TMC7: variants seen among roughly 807,000 people sequenced by gnomAD.
The protein encoded by TMC7 is transmembrane channel-like protein 7.
TMC7 carries 54 observed loss-of-function variants against 82.9 expected under a neutral mutation model. The ratio of observed to expected loss-of-function variants is 0.65; its 90% CI spans 0.52 to 0.82. The LOEUF (loss-of-function observed/expected upper bound fraction) is 0.82. TMC7 is among the 40% of genes least tolerant of loss of function. The pLI is 0.00. For missense variants in TMC7, 820 were observed against 901.2 expected (o/e 0.91, Z 1.15); for synonymous variants, 350 against 337.9 (o/e 1.04, Z -0.39).
chr16:19,016,479 T>A lies in TMC7; in HGVS notation c.341T>A (p.Leu114His). The part of the protein sequence containing the change: ...RDIQETQMKY[L>H]SEWDQWKRYS... ...ATTCAAGAGACACAAATGAAGTATC[T>A]CTCCGAATGGGACCAGTGGAAGCGG... Residue 114 changes from leucine to histidine, a missense_variant, in exon 3 of 16, where the codon CTC (leucine) becomes CAC (histidine). Coordinates refer to ENST00000304381, the MANE Select transcript of TMC7 (RefSeq NM_024847.4). 1 of 1,614,120 alleles carries A rather than the reference T, an allele frequency of 6.2e-7. No individual in the cohort carries two copies. The highest frequency in any genetic ancestry group is 8.5e-7 in the Non-Finnish European group (1 of 1,180,022).
chr16:18,989,475 AC>A (rs1267581723), intron 1 of TMC7, among the ~76,000 whole-genome samples: 2 of 149,580 alleles, frequency 1.3e-5, no homozygotes, highest in African/African-American at 4.9e-5. Context: ...TCGGCCTCTG[AC>A]CTTTGTAACA....
chr16:19,047,192 A>G lies in TMC7; in HGVS notation c.1683A>G (p.Ser561=). The G allele has an allele frequency of 1.2e-6, 2 of 1,613,456 alleles. No individual in the cohort carries two copies. Among genetic ancestry groups the G allele is most frequent in the East Asian group, 2.2e-5 (1 of 44,828 alleles). ...TCTGCTGGATCGGAGCCTTTTTCTCACCCCTTCTCCCTGCAATTGCAACCC... is the reference window on the plus strand; with the variant it reads ...TCTGCTGGATCGGAGCCTTTTTCTCGCCCCTTCTCCCTGCAATTGCAACCC... ...QTICWIGAFF[S]PLLPAIATLK... The change falls in exon 12 of 16, where the codon TCA becomes TCG. Residue 561 remains serine, a synonymous_variant. Transcript: ENST00000304381.
At chr16:19,035,927 T>G in intron 7 of TMC7, 104 bp downstream of exon 7, 3 of 1,352,226 alleles carry the variant, frequency 2.2e-6, no homozygotes, top group Non-Finnish European at 3.0e-6. Flanking sequence ...GGGGACAGGT[T>G]GTCCCTGGTA....
Position 19,037,402 on chromosome 16 carries a change from A to G in TMC7, c.1006-472A>G, listed in dbSNP as rs1290080238. On this transcript the variant is annotated intron_variant, in intron 7 of 15. Transcript: ENST00000304381. ...ACTCTGTCTCAAAAAAAAAAAAAAA[A>G]AGAAAGAAAAAAAGTAGTTGGGCTA... 8.4e-4 allele frequency among the ~76,000 whole-genome samples: 54 copies of G among 64,566 alleles called. 1 individual carries two copies. In the South Asian group the frequency reaches 0.03, roughly 35 times the overall value. The allele number at this position is 64,566 out of a possible 152,430, so 42.4% of individuals were successfully genotyped here.
intron 1 of TMC7, among the ~76,000 whole-genome samples, chr16:19,004,173 T>C (rs920441195): frequency 6.6e-6 from 1 of 152,130 alleles, no homozygotes; most frequent in Non-Finnish European, 1.5e-5. Flanking sequence ...TGGATCCTAG[T>C]TATAAAAATA....
At position 19,009,399 on chromosome 16, in the gene TMC7, G is replaced by A; in HGVS notation, c.295G>A (p.Glu99Lys). 1 of 1,613,314 alleles carries A rather than the reference G, an allele frequency of 6.2e-7. No individual in the cohort carries two copies. Among genetic ancestry groups the A allele is most frequent in the Non-Finnish European group, 8.5e-7 (1 of 1,179,372 alleles). The change falls in exon 2 of 16, where the codon GAG (glutamate) becomes AAG (lysine). Residue 99 changes from glutamate to lysine, a missense_variant. Physicochemically the swap from Glu to Lys is moderately conservative, Grantham distance 56. Transcript: ENST00000304381. ...SLRNYALNIS[E>K]KRRLRDIQET... ...TCGAAATTATGCACTGAACATCTCT[G>A]AGAAGCGGAGACTAAGGTTTGTTCA...
chr16:19,032,611 CTGAAGAA>C (rs1960567696), intron 6 of TMC7, among the ~76,000 whole-genome samples: 1 of 150,688 alleles, frequency 6.6e-6, no homozygotes, highest in African/African-American at 2.4e-5. Flanking sequence ...GGAGGGGGCC[CTGAAGAA>C]TGAAGAAGGT....
At chr16:19,016,427 T>C (rs1055143515) in intron 2 of TMC7, 23 bp from the exon 3 acceptor site, 1 of 1,613,558 alleles carries the variant, frequency 6.2e-7, no homozygotes, top group African/African-American at 1.3e-5. Context: ...GTTGTCATTG[T>C]CATGATCATG....
At chr16:18,996,651 G>A (rs374573662) in intron 1 of TMC7, among the ~76,000 whole-genome samples, 1 of 152,248 alleles carries the variant, frequency 6.6e-6, no homozygotes, top group African/African-American at 2.4e-5. Flanking sequence ...AATGGAGGGC[G>A]GAAGGTTGCC....
intron 7 of TMC7, 23 bp from the exon 8 acceptor site, chr16:19,037,851 A>G (rs112677582): frequency 1.9e-5 from 31 of 1,606,152 alleles, no homozygotes; most frequent in African/African-American, 1.7e-4. Flanking sequence ...ACTGCTCACA[A>G]GTGAATTTTC....
intron 1 of TMC7, among the ~76,000 whole-genome samples, chr16:19,002,477 T>TTTTA (rs1424384213): frequency 2.0e-5 from 3 of 152,016 alleles, no homozygotes; most frequent in African/African-American, 7.2e-5. Context: ...CCTCAGGTAA[T>TTTTA]CCACCCGCCT....
intron 6 of TMC7, among the ~76,000 whole-genome samples, chr16:19,034,575 G>T (rs749724793): frequency 1.3e-5 from 2 of 151,884 alleles, no homozygotes; most frequent in Non-Finnish European, 2.9e-5. Context: ...TCCAGCCTGG[G>T]CAACAGAGTG....
At chr16:19,037,427 A>T (rs1398995794) in intron 7 of TMC7, among the ~76,000 whole-genome samples, 1 of 149,364 alleles carries the variant, frequency 6.7e-6, no homozygotes, top group African/African-American at 2.4e-5. Flanking sequence ...TAGTTGGGCT[A>T]AGTCTAGGAT....
At chr16:19,031,648 GC>G (rs1472728081) in intron 6 of TMC7, among the ~76,000 whole-genome samples, 4 of 152,140 alleles carry the variant, frequency 2.6e-5, no homozygotes, top group African/African-American at 4.8e-5. Context: ...TCCAGCCTGG[GC>G]GACAGAGCGA....
chr16:19,035,777 G>A lies in TMC7; in HGVS notation c.959G>A (p.Arg320His), dbSNP rs1449074368. Residue 320 changes from arginine to histidine, a missense_variant, in exon 7 of 16, where the codon CGC (arginine) becomes CAC (histidine). Arg to His is a conservative substitution (Grantham distance 29, BLOSUM62 0). Transcript: ENST00000304381. ...GGCTGGGACTTCTGCATCACTAACC[G>A]CAGCATGGCGGATCTGAAGCACAGC... ...FAGWDFCITN[R>H]SMADLKHSSL... 1 of 1,610,668 alleles carries A rather than the reference G, an allele frequency of 6.2e-7. No homozygotes were observed. Among genetic ancestry groups the A allele is most frequent in the Non-Finnish European group, 8.5e-7 (1 of 1,178,252 alleles).
At chr16:19,050,080 A>G (rs1048718196) in intron 12 of TMC7, among the ~76,000 whole-genome samples, 3 of 152,132 alleles carry the variant, frequency 2.0e-5, no homozygotes, top group Non-Finnish European at 4.4e-5. Flanking sequence ...TACTTAAAAA[A>G]AACTTAAATG....
At chr16:19,048,669 C>T (rs1327663671) in intron 12 of TMC7, among the ~76,000 whole-genome samples, 1 of 152,198 alleles carries the variant, frequency 6.6e-6, no homozygotes, top group Non-Finnish European at 1.5e-5. Context: ...GATCTGCCCG[C>T]CTCAGCCTCC....
In TMC7 at chr16:19,061,876, G is replaced by A; in HGVS notation, c.*33G>A. The A allele has an allele frequency of 6.3e-7, 1 of 1,589,906 alleles. No homozygotes were observed. Among genetic ancestry groups the A allele is most frequent in the Non-Finnish European group, 8.6e-7 (1 of 1,162,576 alleles). ...GAGCGTGAAGATGGTGCTGCCTGTT[G>A]CTTCTAAGCTGACCTAGTGATTCTG... On this transcript the variant is annotated 3_prime_UTR_variant, in exon 16 of 16. Transcript: ENST00000304381.
chr16:18,986,682 A>T (rs1358982090), intron 1 of TMC7, among the ~76,000 whole-genome samples: 1 of 151,976 alleles, frequency 6.6e-6, no homozygotes. Context: ...CATCACCTTG[A>T]TCCTCCCTTA....
Sources: gnomAD v4.1 joint callset for allele counts (sites outside exome capture counted in the v4.1 genomes callset) on GRCh38, gnomAD v4.1.1 for gene constraint, MANE v1.5 for transcripts, NCBI Gene and HGNC (gene_info 2026-07-23, HGNC 2026-07-21) for gene names.